The following TMEM132C variants were observed in gnomAD, a reference collection of about 807,000 sequenced individuals.
The protein encoded by TMEM132C is transmembrane protein 132C, also known as protein phosphatase 1, regulatory subunit 152.
In TMEM132C, 29 loss-of-function variants were observed where a neutral mutation model predicts 61.4. The observed-to-expected ratio is 0.47, with a 90% confidence interval of 0.35 to 0.64. TMEM132C has a LOEUF of 0.64. TMEM132C is among the 30% of genes least tolerant of loss of function. The probability of loss-of-function intolerance (pLI) is 0.00; values close to 1 mark genes in which losing one functional copy is unlikely to be tolerated. For synonymous variants in TMEM132C, 656 were observed against 633.1 expected, an observed-to-expected ratio of 1.04 and a Z score of -0.54; for missense variants, 1,408 against 1,476.9, an observed-to-expected ratio of 0.95 and a Z score of 0.76.
intron 1 of TMEM132C, among the ~76,000 whole-genome samples, chr12:128,305,553 T>C (rs574074748): frequency 5.7e-4 from 83 of 145,454 alleles, no homozygotes; most frequent in African/African-American, 2.0e-3. Flanking sequence ...TTTTTTTTTT[T>C]CCATTTGAAA....
At chr12:128,436,898 A>G (rs1163867299) in intron 2 of TMEM132C, among the ~76,000 whole-genome samples, 5 of 152,310 alleles carry the variant, frequency 3.3e-5, no homozygotes, top group African/African-American at 9.6e-5. Flanking sequence ...AACCAAACCA[A>G]ACGTCCGTCA....
At chr12:128,563,121 G>A (rs1336958649) in intron 3 of TMEM132C, among the ~76,000 whole-genome samples, 2 of 152,256 alleles carry the variant, frequency 1.3e-5, no homozygotes, top group Non-Finnish European at 2.9e-5. Flanking sequence ...AGGGAAGCAA[G>A]GAAATGTCAT....
rs1008637870 is a variant in TMEM132C, at chr12:128,706,519, A to T, written c.*224A>T. ...AGGTCAGGGGAATAAAGTCTGGGGC[A>T]TGGGGAGTGCAGACCAAGTTACTGA... On this transcript the variant is annotated 3_prime_UTR_variant, in exon 9 of 9. Transcript: ENST00000435159. The T allele has an allele frequency of 1.9e-6, 1 of 536,132 alleles. No individual in the cohort carries two copies. The highest frequency in any genetic ancestry group is 1.9e-5 in the African/African-American group (1 of 53,272). 33.2% of individuals were successfully genotyped at this position (536,132 alleles called of 1,614,324 possible).
chr12:128,596,400 G>T (rs767208108), intron 3 of TMEM132C, among the ~76,000 whole-genome samples: 1 of 136,422 alleles, frequency 7.3e-6, no homozygotes, highest in Admixed American at 7.6e-5. Context: ...GACTGATCCC[G>T]TGTTTTCTCC....
chr12:128,530,229 A>G (rs530963718), intron 2 of TMEM132C, among the ~76,000 whole-genome samples: 76 of 152,266 alleles, frequency 5.0e-4, no homozygotes, highest in Admixed American at 1.1e-3. Flanking sequence ...TGCCGGGGAC[A>G]GTTTTCTATG....
rs368876472 is a variant in TMEM132C at position 128,390,084 on chromosome 12, T to C, written c.86-24648T>C. ...TGGGGTCTTGCTCTTTTGCCCAGGC[T>C]GATCTCAAATGCATGGGCTCAAGTG... On this transcript the variant is annotated intron_variant, in intron 1 of 8. Coordinates refer to ENST00000435159, the MANE Select transcript of TMEM132C (RefSeq NM_001136103.3). Among the ~76,000 whole-genome samples, 6 of 152,278 alleles carry C rather than the reference T, an allele frequency of 3.9e-5. No homozygotes were observed. The East Asian group carries it at 1.2e-3, about 30-fold the overall frequency.
intron 4 of TMEM132C, among the ~76,000 whole-genome samples, chr12:128,636,805 T>C (rs1954108015): frequency 6.6e-6 from 1 of 152,138 alleles, no homozygotes. Context: ...CATTTCCTTC[T>C]CTGCCTCTAT....
chr12:128,551,124 A>T (rs1874159725), intron 3 of TMEM132C, among the ~76,000 whole-genome samples: 1 of 151,858 alleles, frequency 6.6e-6, no homozygotes, highest in African/African-American at 2.4e-5. Flanking sequence ...AGGAAACAAC[A>T]TCCTTAATCA....
At position 128,444,132 on chromosome 12, in the gene TMEM132C, C is replaced by G. The variant is rs1869888348; in HGVS notation, c.974+28512C>G. 1.3e-5 allele frequency among the ~76,000 whole-genome samples: 2 copies of G among 152,150 alleles called. 1 individual carries two copies. Among genetic ancestry groups the G allele is most frequent in the African/African-American group, 4.8e-5 (2 of 41,422 alleles). On this transcript the variant is annotated intron_variant, in intron 2 of 8. Transcript: ENST00000435159. ...ATAGGCCTTTGCTGTGTTGCCCAGA[C>G]TGGTCTTGAACTCCTGTGCTCAAGC...
At chr12:128,521,823 A>G (rs1872915896) in intron 2 of TMEM132C, among the ~76,000 whole-genome samples, 1 of 152,224 alleles carries the variant, frequency 6.6e-6, no homozygotes, top group Non-Finnish European at 1.5e-5. Flanking sequence ...AAAAATATTT[A>G]AAGTCCTTAC....
At chr12:128,444,596 T>C (rs778388355) in intron 2 of TMEM132C, among the ~76,000 whole-genome samples, 1 of 152,198 alleles carries the variant, frequency 6.6e-6, no homozygotes, top group Admixed American at 6.5e-5. Flanking sequence ...GTGTAGCAAA[T>C]GTGGGCAGAA....
At chr12:128,303,060 C>T (rs957493386) in intron 1 of TMEM132C, among the ~76,000 whole-genome samples, 2 of 152,138 alleles carry the variant, frequency 1.3e-5, no homozygotes, top group African/African-American at 2.4e-5. Context: ...TCAAAGAGGA[C>T]GACACAGCTT....
At chr12:128,482,645 A>G (rs997125308) in intron 2 of TMEM132C, among the ~76,000 whole-genome samples, 1 of 151,914 alleles carries the variant, frequency 6.6e-6, no homozygotes, top group Admixed American at 6.6e-5. Flanking sequence ...TACTGCCTCA[A>G]TTTCAGAACG....
intron 6 of TMEM132C, 38 bp from the exon 7 acceptor site, chr12:128,695,792 C>A (rs1032698409): frequency 1.3e-6 from 2 of 1,502,252 alleles, no homozygotes; most frequent in African/African-American, 1.4e-5. Flanking sequence ...TTAGACTCCT[C>A]TCCCTGGATC....
chr12:128,624,150 TCAGCCTGA>T lies in TMEM132C; in HGVS notation c.1305+7817_1305+7824del, dbSNP rs376081018. On this transcript the variant is annotated intron_variant, in intron 4 of 8. Transcript: ENST00000435159. Reference sequence around the variant, plus strand: ...TAGTATAGAAATTGGGCGCTCAGCTTCAGCCTGACTGTGTTGGGGTGAGTCCCAATGCC... The same window carrying T: ...TAGTATAGAAATTGGGCGCTCAGCTTCTGTGTTGGGGTGAGTCCCAATGCC... 6.6e-3 allele frequency among the ~76,000 whole-genome samples: 1,005 copies of T among 152,280 alleles called. 11 individuals are homozygous for T. Among genetic ancestry groups the T allele is most frequent in the African/African-American group, 0.023 (964 of 41,556 alleles).
chr12:128,534,422 C>T (rs1460777980), intron 2 of TMEM132C, among the ~76,000 whole-genome samples: 1 of 152,190 alleles, frequency 6.6e-6, no homozygotes, highest in Non-Finnish European at 1.5e-5. Context: ...AAATCATCTC[C>T]CAAGCTACCA....
intron 4 of TMEM132C, among the ~76,000 whole-genome samples, chr12:128,653,255 T>TG (rs746253370): frequency 9.8e-4 from 76 of 77,602 alleles, no homozygotes; most frequent in Non-Finnish European, 1.6e-3. Context: ...TAGTGGTTGC[T>TG]GGGGGCTGGG....
intron 1 of TMEM132C, among the ~76,000 whole-genome samples, chr12:128,269,667 T>G (rs536891412): frequency 6.6e-6 from 1 of 152,280 alleles, no homozygotes; most frequent in Admixed American, 6.5e-5. Context: ...GGCCTGCAAC[T>G]TATCATCTGC....
chr12:128,506,985 C>G (rs1872384701), intron 2 of TMEM132C, among the ~76,000 whole-genome samples: 1 of 152,110 alleles, frequency 6.6e-6, no homozygotes, highest in African/African-American at 2.4e-5. Context: ...CCTACCACCC[C>G]AGGAGAGCAT....
Sources: allele counts gnomAD v4.1 joint callset (sites outside exome capture counted in the v4.1 genomes callset), GRCh38; gene constraint gnomAD v4.1.1; transcripts MANE v1.5; gene names NCBI Gene and HGNC (gene_info 2026-07-23, HGNC 2026-07-21).